DLGAP2: variants seen among roughly 807,000 people sequenced by gnomAD.
DLGAP2 encodes disks large-associated protein 2.
A neutral mutation model predicts 100.3 loss-of-function variants in DLGAP2; 26 were observed. The observed-to-expected ratio is 0.26, with a 90% CI of 0.19 to 0.36. The LOEUF (loss-of-function observed/expected upper bound fraction) is 0.36. Among genes scored for constraint, DLGAP2 ranks in the 10% least tolerant of loss-of-function variants. The pLI is 1.00. For synonymous variants in DLGAP2, 886 were observed against 630.1 expected (o/e 1.41, Z -6.08); for missense variants, 1,858 against 1,453.2 (o/e 1.28, Z -4.53).
chr8:1,133,114 GA>G (rs1472894471), intron 2 of DLGAP2, among the ~76,000 whole-genome samples: 1 of 152,148 alleles, frequency 6.6e-6, no homozygotes, highest in Non-Finnish European at 1.5e-5. Flanking sequence ...GTTTCCAGAA[GA>G]AAGCAAACAT....
At position 973,894 on chromosome 8, in the gene DLGAP2, ACCGCCG is replaced by A. The variant is rs1480213517; in HGVS notation, c.73+65931_73+65936del. Among the ~76,000 whole-genome samples, 35 of 131,078 alleles carry A rather than the reference ACCGCCG, an allele frequency of 2.7e-4. 1 individual carries two copies. The South Asian group carries it at 9.0e-3, about 34-fold the overall frequency. The allele number at this position is 131,078 out of a possible 152,430, so 86.0% of individuals were successfully genotyped here. On this transcript the variant is annotated intron_variant, in intron 2 of 14. Transcript: ENST00000637795. ...GCCAGGCCTCTTCCCCTCCTCCGCC[ACCGCCG>A]CCACCGCCACCGCCGCCACCCCGGC...
At position 1,482,899 on chromosome 8, in the gene DLGAP2, G is replaced by A. The variant is rs182298570; in HGVS notation, c.107-18467G>A. On this transcript the variant is annotated intron_variant, in intron 3 of 14. Coordinates refer to ENST00000637795, the MANE Select transcript of DLGAP2 (RefSeq NM_001346810.2). ...GAGAGAAAGAAGCAAAGACACGAGC[G>A]AGGACAGGGACCCAGGAGAAGAGGG... is the stretch of plus-strand genomic sequence containing the variant. 2.2e-4 allele frequency among the ~76,000 whole-genome samples: 33 copies of A among 152,380 alleles called. No homozygotes were observed. The East Asian group carries it at 6.2e-3, about 28-fold the overall frequency.
At chr8:976,845 T>C (rs1259520418) in intron 2 of DLGAP2, among the ~76,000 whole-genome samples, 3 of 152,174 alleles carry the variant, frequency 2.0e-5, no homozygotes, top group Non-Finnish European at 2.9e-5. Context: ...TTATAGAAGA[T>C]AGCATAAAAT....
chr8:1,503,935 G>C (rs962140595), intron 4 of DLGAP2, among the ~76,000 whole-genome samples: 1 of 152,136 alleles, frequency 6.6e-6, no homozygotes, highest in African/African-American at 2.4e-5. Flanking sequence ...CATCTGGTGA[G>C]CCCAGGGACC....
At chr8:1,569,437 G>A (rs1802564334) in intron 6 of DLGAP2, among the ~76,000 whole-genome samples, 1 of 152,186 alleles carries the variant, frequency 6.6e-6, no homozygotes, top group Non-Finnish European at 1.5e-5. Context: ...CTGCTAACTT[G>A]AAAGTCCTCG....
intron 3 of DLGAP2, among the ~76,000 whole-genome samples, chr8:1,291,688 G>C (rs1800063241): frequency 2.0e-5 from 3 of 152,138 alleles, no homozygotes; most frequent in Admixed American, 2.0e-4. Context: ...TCTATAAGTG[G>C]ATGTCCCAGC....
intron 3 of DLGAP2, among the ~76,000 whole-genome samples, chr8:1,320,181 A>G (rs1800862675): frequency 6.6e-6 from 1 of 152,016 alleles, no homozygotes; most frequent in Admixed American, 6.6e-5. Context: ...GTCCTTAGTC[A>G]TGGTGGCACT....
intron 2 of DLGAP2, among the ~76,000 whole-genome samples, chr8:908,479 CTG>C (rs1798423253): frequency 6.6e-6 from 1 of 152,120 alleles, no homozygotes; most frequent in African/African-American, 2.4e-5. Flanking sequence ...AGATGCATCT[CTG>C]TGTAATTTCT....
chr8:1,609,237 A>C (rs994556064), intron 6 of DLGAP2, among the ~76,000 whole-genome samples: 1 of 143,844 alleles, frequency 7.0e-6, no homozygotes, highest in Non-Finnish European at 1.5e-5. Flanking sequence ...GCCAATATTC[A>C]ACATTCTTGA....
intron 2 of DLGAP2, among the ~76,000 whole-genome samples, chr8:1,196,519 G>A (rs1797752587): frequency 2.6e-5 from 4 of 152,196 alleles, no homozygotes; most frequent in Admixed American, 2.0e-4. Flanking sequence ...CAAGTCGTCT[G>A]TGATTTTCAT....
chr8:1,117,285 T>G (rs904268673), intron 2 of DLGAP2, among the ~76,000 whole-genome samples: 4 of 152,190 alleles, frequency 2.6e-5, no homozygotes, highest in African/African-American at 9.6e-5. Context: ...CCTGGGCAGG[T>G]GTGCAGACAG....
chr8:1,119,523 T>C (rs1255354179), intron 2 of DLGAP2, among the ~76,000 whole-genome samples: 28 of 152,230 alleles, frequency 1.8e-4, no homozygotes, highest in Admixed American at 1.6e-3. Flanking sequence ...CTGCTCTTCT[T>C]CAGCAGATCG....
chr8:1,274,137 A>T (rs2116934739), intron 3 of DLGAP2, among the ~76,000 whole-genome samples: 1 of 152,052 alleles, frequency 6.6e-6, no homozygotes, highest in African/African-American at 2.4e-5. Context: ...AAAATTTTAA[A>T]ATTATATCTT....
intron 2 of DLGAP2, among the ~76,000 whole-genome samples, chr8:1,185,956 C>A (rs999755888): frequency 6.6e-6 from 1 of 152,174 alleles, no homozygotes; most frequent in Non-Finnish European, 1.5e-5. Context: ...ATCTCGGGGC[C>A]TCCTGTCACC....
rs145327919 is a variant in DLGAP2, at chr8:1,519,489, C to G, written c.172+18058C>G. On this transcript the variant is annotated intron_variant, in intron 4 of 14. Coordinates refer to ENST00000637795, the MANE Select transcript of DLGAP2 (RefSeq NM_001346810.2). The stretch of plus-strand genomic sequence containing the variant: ...TATGAAACTGATAAAGCTCTCTTTT[C>G]AAGTCAATACTTTATTTCCTCTCCA... 2.4e-3 allele frequency among the ~76,000 whole-genome samples: 373 copies of G among 152,322 alleles called. 1 individual carries two copies. Among genetic ancestry groups the G allele is most frequent in the African/African-American group, 8.3e-3 (347 of 41,570 alleles).
intron 6 of DLGAP2, among the ~76,000 whole-genome samples, chr8:1,614,383 C>T (rs1356714194): frequency 1.3e-5 from 2 of 152,360 alleles, no homozygotes; most frequent in African/African-American, 4.8e-5. Flanking sequence ...ACCTCACAGT[C>T]AGTGCTGCTG....
At chr8:1,502,951 A>T (rs974989885) in intron 4 of DLGAP2, among the ~76,000 whole-genome samples, 1 of 152,098 alleles carries the variant, frequency 6.6e-6, no homozygotes, top group African/African-American at 2.4e-5. Context: ...AGCAGGGGGC[A>T]CAGAACTGAA....
rs560674001 is a variant in DLGAP2, at chr8:1,347,981, G to A, written c.106+89098G>A. ...GCTACATTGCACTCATGGTAGCTGT[G>A]TGGAGGTTGAGTTCCCATACAGAGC... On this transcript the variant is annotated intron_variant, in intron 3 of 14. Transcript: ENST00000637795. Among the ~76,000 whole-genome samples the A allele has an allele frequency of 5.6e-3, 839 of 150,414 alleles. 4 individuals carry two copies. Among genetic ancestry groups the A allele is most frequent in the Middle Eastern group, 0.011 (3 of 284 alleles).
chr8:1,394,102 T>G (rs1585331486), intron 3 of DLGAP2, among the ~76,000 whole-genome samples: 1 of 5,744 alleles, frequency 1.7e-4, no homozygotes. Context: ...GTGTATTGAG[T>G]GCTTACTGAG....
Sources: allele counts gnomAD v4.1 joint callset (sites outside exome capture counted in the v4.1 genomes callset), GRCh38; gene constraint gnomAD v4.1.1; transcripts MANE v1.5; gene names NCBI Gene and HGNC (gene_info 2026-07-23, HGNC 2026-07-21).